Variants in XIRP2 observed in about 807,000 individuals in gnomAD.
The protein encoded by XIRP2 is xin actin binding repeat containing 2, also known as xin actin-binding repeat-containing protein 2.
In XIRP2, 236 loss-of-function variants were observed where a neutral mutation model predicts 277.0. The ratio of observed to expected loss-of-function variants is 0.85; its 90% CI spans 0.77 to 0.95. XIRP2 has a LOEUF of 0.95. Among genes scored for constraint, XIRP2 ranks in the 40% least tolerant of loss-of-function variants. The pLI is 0.00. For synonymous variants in XIRP2, 1,490 were observed against 1,416.5 expected (o/e 1.05, Z -1.17); for missense variants, 4,640 against 4,157.5 (o/e 1.12, Z -3.19).
At chr2:167,088,657 A>G (rs1361507909) in intron 2 of XIRP2, among the ~76,000 whole-genome samples, 1 of 152,142 alleles carries the variant, frequency 6.6e-6, no homozygotes, top group Non-Finnish European at 1.5e-5. Flanking sequence ...TCCATCTGCC[A>G]TTCCTTGTCC....
At chr2:166,969,544 T>TA (rs397986571) in intron 2 of XIRP2, among the ~76,000 whole-genome samples, 7,039 of 147,344 alleles carry the variant, frequency 0.048, 188 homozygotes, top group Middle Eastern at 0.096. Context: ...GATATTACAA[T>TA]AAAAAAAAAA....
chr2:166,927,925 G>A (rs1685233505), intron 2 of XIRP2, among the ~76,000 whole-genome samples: 1 of 152,044 alleles, frequency 6.6e-6, no homozygotes, highest in Non-Finnish European at 1.5e-5. Context: ...CGTTCATCTA[G>A]CTGGAGGGGA....
chr2:167,092,265 C>G (rs1438228735), intron 2 of XIRP2, among the ~76,000 whole-genome samples: 6 of 152,036 alleles, frequency 3.9e-5, no homozygotes, highest in African/African-American at 1.5e-4. Context: ...TATTTATATC[C>G]CACATTTTGC....
intron 2 of XIRP2, among the ~76,000 whole-genome samples, chr2:167,001,112 T>C (rs141828954): frequency 1.3e-5 from 2 of 152,304 alleles, no homozygotes; most frequent in Non-Finnish European, 2.9e-5. Flanking sequence ...AACAATTATA[T>C]ACTAAGTTCT....
intron 3 of XIRP2, among the ~76,000 whole-genome samples, chr2:167,162,357 C>A (rs1018041375): frequency 1.3e-5 from 2 of 152,180 alleles, no homozygotes; most frequent in African/African-American, 4.8e-5. Flanking sequence ...TGAGACTGGG[C>A]AATTTACATA....
At chr2:167,091,473 A>T (rs754759152) in intron 2 of XIRP2, among the ~76,000 whole-genome samples, 3 of 152,152 alleles carry the variant, frequency 2.0e-5, no homozygotes, top group Non-Finnish European at 4.4e-5. Context: ...TTAAACCATC[A>T]TATTAAATAC....
rs1216023459 is a variant in XIRP2 at position 167,258,880 on chromosome 2, G to A, written c.*1063G>A. The A allele has an allele frequency of 1.9e-6, 3 of 1,613,196 alleles. No individual in the cohort carries two copies. ...CTTATTCGAGGAATGTACTAGCAATGGCTCTGAAGAAACAGACTGACAGAG... is the reference window on the plus strand; with the variant it reads ...CTTATTCGAGGAATGTACTAGCAATAGCTCTGAAGAAACAGACTGACAGAG... On this transcript the variant is annotated 3_prime_UTR_variant, in exon 11 of 11. Coordinates refer to ENST00000409195, the MANE Select transcript of XIRP2 (RefSeq NM_152381.6).
At chr2:166,913,829 TGAA>T in intron 2 of XIRP2, among the ~76,000 whole-genome samples, 1 of 152,206 alleles carries the variant, frequency 6.6e-6, no homozygotes. Context: ...TAATGTATCA[TGAA>T]TTAACCATAA....
intron 2 of XIRP2, among the ~76,000 whole-genome samples, chr2:166,912,509 C>A (rs1412316816): frequency 6.6e-6 from 1 of 152,170 alleles, no homozygotes; most frequent in Non-Finnish European, 1.5e-5. Flanking sequence ...AGCCATTAGT[C>A]TAATCTTTTT....
chr2:166,934,215 C>A (rs13407629), intron 2 of XIRP2, among the ~76,000 whole-genome samples: 30,826 of 108,880 alleles, frequency 0.28, 4,643 homozygotes, highest in African/African-American at 0.5. Flanking sequence ...AAAAAAAAAA[C>A]AAAACTAGGG....
chr2:167,174,273 T>C (rs1692776932), intron 3 of XIRP2, among the ~76,000 whole-genome samples: 1 of 152,204 alleles, frequency 6.6e-6, no homozygotes, highest in East Asian at 1.9e-4. Flanking sequence ...AGGCTATTAA[T>C]TACTGCCTCA....
chr2:167,125,274 G>A (rs1691169114), intron 2 of XIRP2, among the ~76,000 whole-genome samples: 3 of 152,120 alleles, frequency 2.0e-5, no homozygotes, highest in Admixed American at 1.3e-4. Context: ...CCATGTAAAA[G>A]GCACAATGCT....
At chr2:167,086,728 A>G (rs1449343140) in intron 2 of XIRP2, among the ~76,000 whole-genome samples, 4 of 151,284 alleles carry the variant, frequency 2.6e-5, no homozygotes, top group South Asian at 2.1e-4. Context: ...CTCCCAGTTG[A>G]TCGCATCAGC....
At chr2:166,962,875 T>G in intron 2 of XIRP2, among the ~76,000 whole-genome samples, 1 of 151,726 alleles carries the variant, frequency 6.6e-6, no homozygotes, top group East Asian at 1.9e-4. Context: ...ACCAGTTTTT[T>G]TCTTACATTT....
intron 2 of XIRP2, among the ~76,000 whole-genome samples, chr2:167,086,763 G>T (rs1372820115): frequency 6.7e-6 from 1 of 148,438 alleles, no homozygotes; most frequent in African/African-American, 2.4e-5. Flanking sequence ...CATTCTTCAC[G>T]TAGTTCTCAA....
chr2:167,187,667 T>G, intron 3 of XIRP2: 1 of 575,318 alleles, frequency 1.7e-6, no homozygotes, highest in Non-Finnish European at 2.2e-6. Context: ...GGATTTTGCT[T>G]CTATGATAAT....
intron 5 of XIRP2, among the ~76,000 whole-genome samples, chr2:167,233,431 T>A (rs1371671771): frequency 3.3e-5 from 5 of 151,896 alleles, no homozygotes; most frequent in Admixed American, 3.3e-4. Context: ...CAAAGCAGGT[T>A]AAGGTGAGAT....
At chr2:166,927,903 G>C (rs1685232847) in intron 2 of XIRP2, among the ~76,000 whole-genome samples, 1 of 152,028 alleles carries the variant, frequency 6.6e-6, no homozygotes, top group Non-Finnish European at 1.5e-5. Context: ...CTTTTCTTTA[G>C]TTGGCCCATA....
At chr2:167,180,729 C>A (rs1192995786) in intron 3 of XIRP2, among the ~76,000 whole-genome samples, 1 of 152,148 alleles carries the variant, frequency 6.6e-6, no homozygotes, top group Non-Finnish European at 1.5e-5. Flanking sequence ...TGTCCCTTAC[C>A]ATTGTTGAGC....
Sources: allele counts gnomAD v4.1 joint callset (sites outside exome capture counted in the v4.1 genomes callset), GRCh38; gene constraint gnomAD v4.1.1; transcripts MANE v1.5; gene names NCBI Gene and HGNC (gene_info 2026-07-23, HGNC 2026-07-21).